The following ZNF658 variants were observed in gnomAD, a reference collection of about 807,000 sequenced individuals.
ZNF658 encodes zinc finger protein 658.
A neutral mutation model predicts 78.0 loss-of-function variants in ZNF658; 46 were observed. That is an observed-to-expected ratio of 0.59 (90% CI 0.47 to 0.75). ZNF658 has a LOEUF of 0.75. Ranked by LOEUF, ZNF658 falls within the 30% of genes least tolerant of loss-of-function variation. ZNF658 has a pLI of 0.00. For synonymous variants in ZNF658, 279 were observed against 408.4 expected, an observed-to-expected ratio of 0.68 and a Z score of 3.82; for missense variants, 785 against 1,189.3, an observed-to-expected ratio of 0.66 and a Z score of 5.00.
At chr9:66,910,992 C>A (rs1425642268) in intron 4 of ZNF658, among the ~76,000 whole-genome samples, 10 of 150,736 alleles carry the variant, frequency 6.6e-5, no homozygotes, top group Non-Finnish European at 1.3e-4. Context: ...AATATAATAT[C>A]AATGTTTCTA....
chr9:66,930,419 C>A (rs1430827367), intron 6 of ZNF658, among the ~76,000 whole-genome samples: 2 of 145,150 alleles, frequency 1.4e-5, no homozygotes, highest in African/African-American at 2.5e-5. Context: ...TTCCCTGAGA[C>A]TCTATTTAAA....
intron 1 of ZNF658, among the ~76,000 whole-genome samples, chr9:66,901,546 G>A (rs1332079228): frequency 1.3e-5 from 2 of 151,654 alleles, no homozygotes; most frequent in Non-Finnish European, 2.9e-5. Context: ...TCAGGCTGAG[G>A]CTCCTGAATC....
chr9:66,921,431 AT>A (rs1187497901), downstream of ZNF658: 1 of 150,652 alleles, frequency 6.6e-6, no homozygotes, highest in Non-Finnish European at 1.5e-5. Context: ...AATAAATGAC[AT>A]TTTTCCTAGG....
At chr9:66,925,463 T>A, downstream of ZNF658, among the ~76,000 whole-genome samples, 2 of 151,576 alleles carry the variant, frequency 1.3e-5, no homozygotes, top group South Asian at 4.1e-4. Flanking sequence ...TGAGAAAAAA[T>A]ACACCAATAA....
intron 4 of ZNF658, among the ~76,000 whole-genome samples, chr9:66,914,367 C>G (rs1476714948): frequency 6.6e-6 from 1 of 151,924 alleles, no homozygotes; most frequent in East Asian, 1.9e-4. Context: ...TCTGCCCTTG[C>G]TAAAAACACT....
At chr9:66,913,406 C>T (rs563002694) in intron 4 of ZNF658, among the ~76,000 whole-genome samples, 20 of 148,900 alleles carry the variant, frequency 1.3e-4, no homozygotes, top group South Asian at 8.5e-4. Context: ...GCCTGGGTGA[C>T]GAGAGAAACT....
At chr9:66,930,691 AT>A (rs918506777) in intron 6 of ZNF658, among the ~76,000 whole-genome samples, 6 of 152,010 alleles carry the variant, frequency 3.9e-5, no homozygotes, top group Non-Finnish European at 1.5e-5. Context: ...AAAAAATGGA[AT>A]TTTCTCACAT....
At chr9:66,915,228 T>C (rs1290808309) in intron 4 of ZNF658, among the ~76,000 whole-genome samples, 1 of 152,296 alleles carries the variant, frequency 6.6e-6, no homozygotes, top group East Asian at 1.9e-4. Context: ...TATGTTGTCG[T>C]AAATATCCTT....
chr9:66,921,695 T>G (rs1281505674), downstream of ZNF658, among the ~76,000 whole-genome samples: 2 of 151,936 alleles, frequency 1.3e-5, no homozygotes, highest in African/African-American at 4.8e-5. Flanking sequence ...TGTTGCTGCC[T>G]GATCCTTCCT....
chr9:66,926,295 G>A (rs1158352867), downstream of ZNF658, among the ~76,000 whole-genome samples: 3 of 139,576 alleles, frequency 2.1e-5, no homozygotes, highest in African/African-American at 7.9e-5. Context: ...AAGTGAAATT[G>A]TACCTGTTTA....
rs142990728 is a variant in ZNF658 at position 66,920,365 on chromosome 9, G to T, written c.2799G>T (p.Thr933=). 1.1e-5 allele frequency: 17 copies of T among 1,611,688 alleles called. No homozygotes were observed. The highest frequency in any genetic ancestry group is 1.7e-5 in the Admixed American group (1 of 59,766). ...TTAGTGCACATCAGAGAGTTCATAC[G>T]GGGGAGAAACCCTACGAATGTAATG... ...SYVSAHQRVH[T]GEKPYECNVC... is the part of the protein sequence containing the mutation. Residue 933 remains threonine, a synonymous_variant, in exon 5 of 5, where the codon ACG becomes ACT. Transcript: ENST00000621410.
At chr9:66,929,058 G>A (rs983011662) in intron 6 of ZNF658, among the ~76,000 whole-genome samples, 1 of 152,092 alleles carries the variant, frequency 6.6e-6, no homozygotes. Context: ...AGACAGAGGG[G>A]TGTGACAATC....
chr9:66,922,534 G>A (rs1250094370), downstream of ZNF658, among the ~76,000 whole-genome samples: 1 of 108,480 alleles, frequency 9.2e-6, no homozygotes, highest in East Asian at 2.6e-4. Flanking sequence ...TGATAACAAT[G>A]TGTTGTTATT....
chr9:66,927,042 A>G (rs1442623009), intron 6 of ZNF658, among the ~76,000 whole-genome samples: 2 of 152,106 alleles, frequency 1.3e-5, no homozygotes, highest in African/African-American at 2.4e-5. Context: ...TATACCATAC[A>G]CAAAAATTAA....
chr9:66,908,843 C>T, intron 4 of ZNF658, 109 bp downstream of exon 4: 1 of 664,364 alleles, frequency 1.5e-6, no homozygotes. Flanking sequence ...ATTCACATGC[C>T]TACAATTCAC....
At chr9:66,929,780 T>G (rs1162622374) in intron 6 of ZNF658, among the ~76,000 whole-genome samples, 3 of 93,336 alleles carry the variant, frequency 3.2e-5, no homozygotes, top group African/African-American at 1.0e-4. Context: ...TCTTTTTCTT[T>G]TCTTTCTTTT....
intron 1 of ZNF658, chr9:66,902,879 T>G (rs1337869822): frequency 6.6e-6 from 1 of 151,974 alleles, no homozygotes; most frequent in African/African-American, 2.4e-5. Flanking sequence ...TTTTTAAATT[T>G]ATTTATTTTT....
downstream of ZNF658, among the ~76,000 whole-genome samples, chr9:66,923,347 G>A (rs1433582258): frequency 6.7e-6 from 1 of 148,246 alleles, no homozygotes; most frequent in African/African-American, 2.5e-5. Flanking sequence ...ATTAGATGGT[G>A]CCCACCCAGA....
Position 66,918,390 on chromosome 9 carries a change from A to G in ZNF658, c.824A>G (p.Tyr275Cys). ...GGGAAATGCTCTGATCTTAATGAAT[A>G]TGGGACATCCTGTGACAAAACCACC... ...TRGKCSDLNEYGTSCDKTTAV... is the reference protein window; with the variant it reads ...TRGKCSDLNECGTSCDKTTAV... The change falls in exon 5 of 5, where the codon TAT (tyrosine) becomes TGT (cysteine). Residue 275 changes from tyrosine to cysteine, a missense_variant. By Grantham distance (194) the Tyr-to-Cys change is radical. This residue lies in a region of ZNF658 where 393 missense variants were observed against 400.2 expected (regional missense o/e 0.98). Coordinates refer to ENST00000621410, the MANE Select transcript of ZNF658 (RefSeq NM_033160.7). 6.8e-6 allele frequency: 11 copies of G among 1,613,824 alleles called. No individual in the cohort carries two copies. The highest frequency in any genetic ancestry group is 8.5e-6 in the Non-Finnish European group (10 of 1,179,798).
Sources: allele counts gnomAD v4.1 joint callset (sites outside exome capture counted in the v4.1 genomes callset), GRCh38; gene constraint gnomAD v4.1.1; regional missense constraint gnomAD v4.1.1; transcripts MANE v1.5; gene names NCBI Gene and HGNC (gene_info 2026-07-23, HGNC 2026-07-21).